Variants in ARID1A observed in about 807,000 individuals in gnomAD.
ARID1A encodes the protein AT-rich interaction domain 1A, also known as AT-rich interactive domain-containing protein 1A.
In ARID1A, 20 loss-of-function variants were observed where a neutral mutation model predicts 212.6. The observed-to-expected ratio is 0.09, with a 90% CI of 0.07 to 0.14. The LOEUF is 0.14. Among genes scored for constraint, ARID1A ranks in the 10% least tolerant of loss-of-function variants. The probability of loss-of-function intolerance (pLI) is 1.00; values close to 1 mark genes in which losing one functional copy is unlikely to be tolerated. For synonymous variants in ARID1A, 1,376 were observed against 1,222.1 expected, an observed-to-expected ratio of 1.13 and a Z score of -2.63; for missense variants, 2,587 against 3,059.0, an observed-to-expected ratio of 0.85 and a Z score of 3.64.
intron 4 of ARID1A, among the ~76,000 whole-genome samples, chr1:26,738,621 C>T (rs1320551391): frequency 6.6e-6 from 1 of 152,126 alleles, no homozygotes; most frequent in Non-Finnish European, 1.5e-5. Flanking sequence ...TGCAGTGGCA[C>T]GATCTTGGCT....
At position 26,696,152 on chromosome 1, in the gene ARID1A, G is replaced by T; in HGVS notation, c.-252G>T. 2 of 497,046 alleles carry T rather than the reference G, an allele frequency of 4.0e-6. No individual in the cohort carries two copies. 30.8% of individuals were successfully genotyped at this position (497,046 alleles called of 1,614,324 possible). ...GAGAGCCGGGTCCCGAGCCTACAGA[G>T]CCGGGAGCAGCTGAGCCGCCGGCGC... On this transcript the variant is annotated 5_prime_UTR_variant, in exon 1 of 20. Coordinates refer to ENST00000324856, the MANE Select transcript of ARID1A (RefSeq NM_006015.6).
chr1:26,740,389 TC>T (rs1271269349), intron 4 of ARID1A, among the ~76,000 whole-genome samples: 3 of 152,234 alleles, frequency 2.0e-5, no homozygotes, highest in East Asian at 3.8e-4. Context: ...AAGTCACTGA[TC>T]CATTTATGTC....
At chr1:26,731,130 A>T (rs41303629) in intron 2 of ARID1A, 22 bp from the exon 3 acceptor site, 1 of 1,601,972 alleles carries the variant, frequency 6.2e-7, no homozygotes, top group Non-Finnish European at 8.6e-7. Context: ...CAGTGCTAAA[A>T]GTATATTTTC....
intron 4 of ARID1A, among the ~76,000 whole-genome samples, chr1:26,756,976 A>G (rs1219880884): frequency 6.6e-6 from 1 of 152,180 alleles, no homozygotes; most frequent in Non-Finnish European, 1.5e-5. Context: ...TGCTGGGATT[A>G]CAGGTGTGAG....
In ARID1A at chr1:26,771,269, A is replaced by G; in HGVS notation, c.3349A>G (p.Ile1117Val). Reference protein sequence around the residue: ...IERGEDPPPDIFAAADSKKSQ... With the variant: ...IERGEDPPPDVFAAADSKKSQ... Reference sequence around the variant, plus strand: ...ACGGGGAGAAGACCCTCCCCCAGACATCTTTGCAGCTGCTGATTCCAAGAA... The same window carrying G: ...ACGGGGAGAAGACCCTCCCCCAGACGTCTTTGCAGCTGCTGATTCCAAGAA... The change falls in exon 12 of 20, where the codon ATC becomes GTC. Residue 1117 changes from isoleucine (I) to valine (V), a missense_variant. Transcript: ENST00000324856. This position sits in a 1 kb window ranked among gnomAD's most constrained non-coding sequence, Gnocchi z 5.4. 1.2e-6 allele frequency: 2 copies of G among 1,614,132 alleles called. No individual in the cohort carries two copies. Among genetic ancestry groups the G allele is most frequent in the Non-Finnish European group, 1.7e-6 (2 of 1,180,016 alleles).
chr1:26,750,860 T>C (rs2080878046), intron 4 of ARID1A, among the ~76,000 whole-genome samples: 1 of 152,034 alleles, frequency 6.6e-6, no homozygotes, highest in Non-Finnish European at 1.5e-5. Flanking sequence ...GAAAAAGTAC[T>C]GTACCCTTTA....
chr1:26,701,514 A>G (rs1297060953), intron 1 of ARID1A, among the ~76,000 whole-genome samples: 1 of 152,224 alleles, frequency 6.6e-6, no homozygotes, highest in Non-Finnish European at 1.5e-5. Flanking sequence ...GAGGAGGCTT[A>G]GGTTCCACAT....
intron 1 of ARID1A, among the ~76,000 whole-genome samples, chr1:26,715,086 C>A (rs909414259): frequency 1.3e-5 from 2 of 152,088 alleles, no homozygotes; most frequent in Non-Finnish European, 2.9e-5. Context: ...CCCAAGTTTG[C>A]AGTTGTAGAT....
In ARID1A at chr1:26,780,101, C is replaced by T. The variant is rs2124146771; in HGVS notation, c.6203C>T (p.Ser2068Leu). The change falls in exon 20 of 20, where the codon TCG (serine) becomes TTG (leucine). Residue 2068 changes from serine to leucine, a missense_variant. Coordinates refer to ENST00000324856, the MANE Select transcript of ARID1A (RefSeq NM_006015.6). This position sits in a 1 kb window ranked among gnomAD's most constrained non-coding sequence, Gnocchi z 7.2. ...ACCTTGGTTACACTCGCCAACATCT[C>T]GGGGCAGTTGGACCTATCTCCATAC... is the stretch of plus-strand genomic sequence containing the variant. ...ENTLVTLANI[S>L]GQLDLSPYPE... 6.2e-7 allele frequency: 1 copy of T among 1,614,162 alleles called. No individual in the cohort carries two copies. The highest frequency in any genetic ancestry group is 8.5e-7 in the Non-Finnish European group (1 of 1,180,024).
At chr1:26,777,547 A>AT (rs569257888) in intron 19 of ARID1A, among the ~76,000 whole-genome samples, 23 of 151,680 alleles carry the variant, frequency 1.5e-4, no homozygotes, top group East Asian at 1.2e-3. Flanking sequence ...TAACTTCTTT[A>AT]TTTTTTTATA....
intron 2 of ARID1A, among the ~76,000 whole-genome samples, chr1:26,730,833 A>G (rs1203208962): frequency 6.6e-6 from 1 of 152,216 alleles, no homozygotes; most frequent in Non-Finnish European, 1.5e-5. Context: ...TTATAAAAAC[A>G]GTCTAGGCCG....
intron 1 of ARID1A, among the ~76,000 whole-genome samples, chr1:26,726,013 G>A (rs1245417064): frequency 6.6e-6 from 1 of 151,572 alleles, no homozygotes; most frequent in Admixed American, 6.6e-5. Flanking sequence ...GCGCCACCAC[G>A]TCCGGCTAAT....
At chr1:26,736,628 CAA>C (rs71007890) in intron 4 of ARID1A, among the ~76,000 whole-genome samples, 8,336 of 73,848 alleles carry the variant, frequency 0.11, 250 homozygotes, top group Non-Finnish European at 0.13. Context: ...GACTCTGTCT[CAA>C]AAAAAAAAAA....
intron 4 of ARID1A, among the ~76,000 whole-genome samples, chr1:26,758,560 A>G (rs887926918): frequency 4.6e-5 from 7 of 151,530 alleles, no homozygotes; most frequent in Non-Finnish European, 8.8e-5. Context: ...TTGAGGCTGT[A>G]GGGAGCTGGC....
chr1:26,760,091 C>T (rs547522503), intron 4 of ARID1A, among the ~76,000 whole-genome samples: 79 of 152,284 alleles, frequency 5.2e-4, no homozygotes, highest in South Asian at 1.0e-3. Context: ...GCTCCTGGTG[C>T]CATCCTGGCA....
chr1:26,701,949 G>GA (rs1005706828), intron 1 of ARID1A, among the ~76,000 whole-genome samples: 2 of 152,148 alleles, frequency 1.3e-5, no homozygotes, highest in African/African-American at 4.8e-5. Context: ...AGCAAGACTT[G>GA]AAAAATAGTT....
chr1:26,733,389 C>A (rs1256268519), intron 4 of ARID1A, among the ~76,000 whole-genome samples: 3 of 152,044 alleles, frequency 2.0e-5, no homozygotes, highest in Admixed American at 6.6e-5. Flanking sequence ...AACTTGGGCT[C>A]TAGAGCCAGA....
At chr1:26,717,151 C>G (rs1449841850) in intron 1 of ARID1A, among the ~76,000 whole-genome samples, 1 of 152,206 alleles carries the variant, frequency 6.6e-6, no homozygotes, top group Admixed American at 6.5e-5. Context: ...TCTGGGAGAA[C>G]AGACTGAAAG....
At chr1:26,764,597 G>T (rs949725935) in intron 8 of ARID1A, 13 of 152,130 alleles carry the variant, frequency 8.5e-5, no homozygotes, top group African/African-American at 3.1e-4. Flanking sequence ...ATGAACCAAG[G>T]TAGAATAGGG....
Sources: allele counts gnomAD v4.1 joint callset (sites outside exome capture counted in the v4.1 genomes callset), GRCh38; gene constraint gnomAD v4.1.1; non-coding constraint Gnocchi (gnomAD v3.1); transcripts MANE v1.5; gene names NCBI Gene and HGNC (gene_info 2026-07-23, HGNC 2026-07-21).